Variants in ITGB5 observed in about 807,000 individuals in gnomAD.
The protein encoded by ITGB5 is integrin subunit beta 5, also known as integrin beta-5.
In ITGB5, 38 loss-of-function variants were observed where a neutral mutation model predicts 84.8. The observed-to-expected ratio is 0.45, with a 90% CI of 0.35 to 0.59. ITGB5 has a LOEUF of 0.59. Ranked by LOEUF, ITGB5 falls within the 20% of genes least tolerant of loss-of-function variation. The pLI is 0.01. For synonymous variants in ITGB5, 393 were observed against 414.4 expected (o/e 0.95, Z 0.63); for missense variants, 905 against 1,034.5 (o/e 0.87, Z 1.72).
chr3:124,773,938 G>A, intron 10 of ITGB5, 26 bp from the exon 11 acceptor site: 1 of 1,601,368 alleles, frequency 6.2e-7, no homozygotes, highest in Non-Finnish European at 8.6e-7. Context: ...TGGCACATCA[G>A]CACCTGCTCA....
chr3:124,843,387 G>C (rs538047278), intron 4 of ITGB5, among the ~76,000 whole-genome samples: 2 of 152,102 alleles, frequency 1.3e-5, no homozygotes. Flanking sequence ...GGTTGGTTGC[G>C]GACAGGGAGA....
intron 3 of ITGB5, among the ~76,000 whole-genome samples, chr3:124,853,803 A>T (rs1265649): frequency 2.6e-5 from 4 of 152,090 alleles, no homozygotes; most frequent in Non-Finnish European, 5.9e-5. Flanking sequence ...ATCATTGAGG[A>T]CAGCGGAGAA....
chr3:124,851,096 C>G (rs1430083598), intron 3 of ITGB5, among the ~76,000 whole-genome samples: 1 of 152,186 alleles, frequency 6.6e-6, no homozygotes, highest in Non-Finnish European at 1.5e-5. Flanking sequence ...AAGAAATTAA[C>G]AGATGGGCAC....
At chr3:124,815,422 C>T (rs1456820140) in intron 8 of ITGB5, among the ~76,000 whole-genome samples, 1 of 152,226 alleles carries the variant, frequency 6.6e-6, no homozygotes, top group African/African-American at 2.4e-5. Flanking sequence ...TCCGCAGAAG[C>T]CTTAAAGAGG....
chr3:124,866,657 G>A (rs952393313), intron 2 of ITGB5, among the ~76,000 whole-genome samples: 4 of 152,210 alleles, frequency 2.6e-5, no homozygotes, highest in Non-Finnish European at 5.9e-5. Context: ...AGTGGACACA[G>A]GCGGGGAGCT....
chr3:124,778,213 C>T (rs1381315130), intron 10 of ITGB5, among the ~76,000 whole-genome samples: 2 of 152,224 alleles, frequency 1.3e-5, no homozygotes, highest in East Asian at 1.9e-4. Context: ...CTGTGAACTG[C>T]TACACATGCA....
chr3:124,886,884 G>T, intron 1 of ITGB5, 47 bp downstream of exon 1: 1 of 1,157,722 alleles, frequency 8.6e-7, no homozygotes, highest in Non-Finnish European at 1.1e-6. Flanking sequence ...GCCCGCGGCT[G>T]AGTGTGCGAC....
At chr3:124,832,700 T>A (rs1052848476) in intron 5 of ITGB5, among the ~76,000 whole-genome samples, 1 of 152,228 alleles carries the variant, frequency 6.6e-6, no homozygotes, top group African/African-American at 2.4e-5. Context: ...GAGACAGGCA[T>A]CACGGCTACT....
chr3:124,881,070 G>C (rs1397924744), intron 1 of ITGB5, among the ~76,000 whole-genome samples: 2 of 151,894 alleles, frequency 1.3e-5, no homozygotes, highest in South Asian at 2.1e-4. Context: ...TGCAACCTCG[G>C]CCTCCAAAGT....
At chr3:124,843,234 T>G (rs749554677) in intron 4 of ITGB5, among the ~76,000 whole-genome samples, 1 of 152,194 alleles carries the variant, frequency 6.6e-6, no homozygotes, top group Non-Finnish European at 1.5e-5. Flanking sequence ...CTGTAGCTAT[T>G]TGGCAAGTGG....
At chr3:124,879,182 C>A (rs573440329) in intron 1 of ITGB5, among the ~76,000 whole-genome samples, 4 of 152,178 alleles carry the variant, frequency 2.6e-5, no homozygotes, top group Non-Finnish European at 5.9e-5. Context: ...CCAAGCCAGG[C>A]CCTCTGGTCT....
intron 1 of ITGB5, among the ~76,000 whole-genome samples, chr3:124,894,278 C>T (rs1478082326): frequency 1.3e-5 from 2 of 151,672 alleles, no homozygotes; most frequent in African/African-American, 4.8e-5. Context: ...GGACTACAGG[C>T]GCCCACCACC....
chr3:124,801,915 C>T (rs147716479), intron 9 of ITGB5, among the ~76,000 whole-genome samples: 10 of 152,362 alleles, frequency 6.6e-5, no homozygotes, highest in African/African-American at 2.4e-4. Flanking sequence ...AAGGATGATG[C>T]TCTTCACACC....
At position 124,802,524 on chromosome 3, in the gene ITGB5, T is replaced by A. The variant is rs553417694; in HGVS notation, c.1264-5707A>T. Reference sequence around the variant, plus strand: ...CAACGAAGAGGGAAAGCCCCTCAACTCCCCGTGCCAGGGCCGGCTCCCTGG... The same window carrying A: ...CAACGAAGAGGGAAAGCCCCTCAACACCCCGTGCCAGGGCCGGCTCCCTGG... On this transcript the variant is annotated intron_variant, in intron 9 of 14. Coordinates refer to ENST00000296181, the MANE Select transcript of ITGB5 (RefSeq NM_002213.5). Among the ~76,000 whole-genome samples, 3 of 152,144 alleles carry A rather than the reference T, an allele frequency of 2.0e-5. No individual in the cohort carries two copies. In the East Asian group the frequency reaches 5.8e-4, roughly 29 times the overall value.
chr3:124,807,362 G>A (rs1559943898), intron 9 of ITGB5, among the ~76,000 whole-genome samples: 1 of 152,218 alleles, frequency 6.6e-6, no homozygotes, highest in East Asian at 1.9e-4. Context: ...GTTGCAGTGA[G>A]CCGAGATCGT....
intron 10 of ITGB5, among the ~76,000 whole-genome samples, chr3:124,785,784 C>G (rs1222493023): frequency 1.3e-5 from 2 of 152,052 alleles, no homozygotes; most frequent in Non-Finnish European, 2.9e-5. Context: ...TCTGACATAT[C>G]CTTATGTAAC....
intron 7 of ITGB5, among the ~76,000 whole-genome samples, chr3:124,819,517 G>GT (rs2064664361): frequency 6.6e-6 from 1 of 152,128 alleles, no homozygotes; most frequent in Non-Finnish European, 1.5e-5. Flanking sequence ...TATTTTCAAG[G>GT]TTTTTCTCAG....
chr3:124,865,070 G>A (rs1199077746), intron 2 of ITGB5, among the ~76,000 whole-genome samples: 1 of 152,186 alleles, frequency 6.6e-6, no homozygotes, highest in Non-Finnish European at 1.5e-5. Context: ...TTCTGCAGCA[G>A]GAAACTAACT....
At chr3:124,800,072 G>A (rs567210781) in intron 9 of ITGB5, among the ~76,000 whole-genome samples, 1 of 152,284 alleles carries the variant, frequency 6.6e-6, no homozygotes, top group East Asian at 1.9e-4. Context: ...GGCCCAGAGA[G>A]AAACTTGCTT....
Sources: gnomAD v4.1 joint callset for allele counts (sites outside exome capture counted in the v4.1 genomes callset) on GRCh38, gnomAD v4.1.1 for gene constraint, MANE v1.5 for transcripts, NCBI Gene and HGNC (gene_info 2026-07-23, HGNC 2026-07-21) for gene names.